Variants in DENND1B observed in about 807,000 individuals in gnomAD.
DENND1B encodes the protein DENN domain containing 1B, also known as DENN domain-containing protein 1B.
A neutral mutation model predicts 90.1 loss-of-function variants in DENND1B; 59 were observed. The observed-to-expected ratio is 0.65, with a 90% CI of 0.53 to 0.81. The LOEUF is 0.81. Ranked by LOEUF, DENND1B falls within the 40% of genes least tolerant of loss-of-function variation. The pLI, the probability that DENND1B is intolerant of heterozygous loss-of-function variation, is 0.00. For missense variants in DENND1B, 862 were observed against 912.6 expected, an observed-to-expected ratio of 0.94 and a Z score of 0.71; for synonymous variants, 337 against 324.6, an observed-to-expected ratio of 1.04 and a Z score of -0.41.
chr1:197,511,230 C>T (rs1200059159), intron 22 of DENND1B, among the ~76,000 whole-genome samples: 1 of 151,738 alleles, frequency 6.6e-6, no homozygotes, highest in Non-Finnish European at 1.5e-5. Context: ...TCTGAAGTCA[C>T]TTACTATCAG....
At chr1:197,671,000 TAAAG>T (rs1043679243) in intron 5 of DENND1B, among the ~76,000 whole-genome samples, 11 of 152,100 alleles carry the variant, frequency 7.2e-5, no homozygotes, top group Admixed American at 7.2e-4. Context: ...TACTTTTGAA[TAAAG>T]ATAGAAAAAA....
chr1:197,673,455 A>C (rs1655734491), intron 4 of DENND1B, among the ~76,000 whole-genome samples: 1 of 152,052 alleles, frequency 6.6e-6, no homozygotes, highest in Non-Finnish European at 1.5e-5. Flanking sequence ...TTCTTTCAAA[A>C]ACCCTTCATG....
At position 197,595,288 on chromosome 1, in the gene DENND1B, C is replaced by G; in HGVS notation, c.967G>C (p.Gly323Arg). 1 of 1,613,262 alleles carries G rather than the reference C, an allele frequency of 6.2e-7. No homozygotes were observed. The highest frequency in any genetic ancestry group is 8.5e-7 in the Non-Finnish European group (1 of 1,179,362). Residue 323 changes from glycine to arginine, a missense_variant, in exon 14 of 23, where the codon GGT becomes CGT. Coordinates refer to ENST00000620048, the MANE Select transcript of DENND1B (RefSeq NM_001195215.2). ...AGAAAGGCCCTAGCTACTCCATCAC[C>G]CGTAGCTGTAGACTGCTTCTTCAGT... ...NKLKKQSTAT[G>R]DGVARAFLRA...
In DENND1B at chr1:197,509,554, C is replaced by T. The variant is rs957657165; in HGVS notation, c.*906G>A. On this transcript the variant is annotated 3_prime_UTR_variant, in exon 23 of 23. Transcript: ENST00000620048. ...ATCTAAAACTTCTAAAATACAAAGT[C>T]AATTATTTTAAAAAGTAAATTTGAG... is the stretch of plus-strand genomic sequence containing the variant. 3 of 151,182 alleles carry T rather than the reference C, an allele frequency of 2.0e-5. No individual in the cohort carries two copies. Among genetic ancestry groups the T allele is most frequent in the African/African-American group, 7.3e-5 (3 of 41,262 alleles). 9.4% of individuals were successfully genotyped at this position (151,182 alleles called of 1,614,324 possible). A position where few individuals can be genotyped will look rare whatever the true frequency, so the allele number is the denominator to read the frequency against.
intron 13 of DENND1B, 140 bp from the exon 14 acceptor site, chr1:197,595,473 T>C: frequency 9.5e-7 from 1 of 1,052,104 alleles, no homozygotes; most frequent in Non-Finnish European, 1.4e-6. Flanking sequence ...TCTTTTTAAC[T>C]GCAGAGAGCA....
chr1:197,735,331 T>G, intron 2 of DENND1B: 1 of 1,278,764 alleles, frequency 7.8e-7, no homozygotes, highest in African/African-American at 1.5e-5. Context: ...TTTTATTTCC[T>G]CAGAATGCTA....
At chr1:197,636,940 G>A (rs1484436604) in intron 10 of DENND1B, among the ~76,000 whole-genome samples, 1 of 151,862 alleles carries the variant, frequency 6.6e-6, no homozygotes, top group Non-Finnish European at 1.5e-5. Flanking sequence ...GCATTTTGGC[G>A]GTATTGAATG....
At chr1:197,718,063 A>G (rs1660808475) in intron 2 of DENND1B, among the ~76,000 whole-genome samples, 1 of 152,058 alleles carries the variant, frequency 6.6e-6, no homozygotes, top group Non-Finnish European at 1.5e-5. Flanking sequence ...AATTGAGGTC[A>G]AAACAATGAG....
chr1:197,529,262 GTGTGTGTATATGTATATATGTA>G (rs1669424216), intron 20 of DENND1B, among the ~76,000 whole-genome samples: 5 of 90,910 alleles, frequency 5.5e-5, no homozygotes, highest in African/African-American at 2.1e-4. Flanking sequence ...GTGTGTGTGT[GTGTGTGTATATGTATATATGTA>G]TATATATGTA....
chr1:197,514,472 C>G (rs1233748063), intron 20 of DENND1B, among the ~76,000 whole-genome samples: 1 of 151,522 alleles, frequency 6.6e-6, no homozygotes. Context: ...TGAAATACAC[C>G]ATGATTATGT....
chr1:197,528,716 C>T (rs573234025), intron 20 of DENND1B, among the ~76,000 whole-genome samples: 3 of 151,788 alleles, frequency 2.0e-5, no homozygotes, highest in East Asian at 1.9e-4. Flanking sequence ...AAAAATTAGC[C>T]GGGCGTAGTG....
In DENND1B at chr1:197,759,308, G is replaced by T. The variant is rs139137441; in HGVS notation, c.82+13560C>A. Among the ~76,000 whole-genome samples, 172 of 148,494 alleles carry T rather than the reference G, an allele frequency of 1.2e-3. 1 individual carries two copies. Among genetic ancestry groups the T allele is most frequent in the African/African-American group, 4.1e-3 (165 of 40,382 alleles). On this transcript the variant is annotated intron_variant, in intron 2 of 22. Coordinates refer to ENST00000620048, the MANE Select transcript of DENND1B (RefSeq NM_001195215.2). ...AAAAAATTTAAAAAACCAAATAAAA[G>T]AAATTAATATAAAATAATAAAAAGA...
chr1:197,755,658 G>A (rs536217014), intron 2 of DENND1B, among the ~76,000 whole-genome samples: 8 of 152,292 alleles, frequency 5.3e-5, no homozygotes, highest in African/African-American at 1.9e-4. Context: ...ACACATACCC[G>A]AGACTGGGCA....
At chr1:197,543,902 T>C (rs1571811679) in intron 18 of DENND1B, among the ~76,000 whole-genome samples, 1 of 152,166 alleles carries the variant, frequency 6.6e-6, no homozygotes, top group South Asian at 2.1e-4. Flanking sequence ...AAATATACTA[T>C]TTTATTATTA....
At chr1:197,515,325 T>C (rs1668320591) in intron 20 of DENND1B, among the ~76,000 whole-genome samples, 1 of 151,694 alleles carries the variant, frequency 6.6e-6, no homozygotes, top group Non-Finnish European at 1.5e-5. Context: ...ACTATAAGTT[T>C]AAGGTACATG....
intron 2 of DENND1B, chr1:197,735,502 A>C: frequency 6.3e-7 from 1 of 1,594,026 alleles, no homozygotes; most frequent in Non-Finnish European, 8.6e-7. Context: ...TTTGCTTAAC[A>C]GTTTATGTTT....
chr1:197,714,369 C>G (rs1300826435), intron 3 of DENND1B, among the ~76,000 whole-genome samples: 1 of 151,988 alleles, frequency 6.6e-6, no homozygotes, highest in African/African-American at 2.4e-5. Context: ...AATGATAAAT[C>G]TATAACATAA....
intron 10 of DENND1B, among the ~76,000 whole-genome samples, chr1:197,642,117 T>C (rs776285182): frequency 2.0e-5 from 3 of 151,996 alleles, no homozygotes; most frequent in African/African-American, 4.8e-5. Flanking sequence ...CCAAGAAAAA[T>C]CTTTCTCTCC....
At chr1:197,689,047 CAG>C (rs2126014010) in intron 3 of DENND1B, 1 of 214,946 alleles carries the variant, frequency 4.7e-6, no homozygotes, top group African/African-American at 2.3e-5. Context: ...CCCCAGGACA[CAG>C]AGAATTTACC....
Sources: allele counts gnomAD v4.1 joint callset (sites outside exome capture counted in the v4.1 genomes callset), GRCh38; gene constraint gnomAD v4.1.1; transcripts MANE v1.5; gene names NCBI Gene and HGNC (gene_info 2026-07-23, HGNC 2026-07-21).